The following RREB1 variants were observed in gnomAD, a reference collection of about 807,000 sequenced individuals.
RREB1 encodes the protein ras responsive element binding protein 1.
RREB1 carries 27 observed loss-of-function variants against 117.8 expected under a neutral mutation model. The ratio of observed to expected loss-of-function variants is 0.23; its 90% confidence interval spans 0.17 to 0.32. The LOEUF is 0.32. Among genes scored for constraint, RREB1 ranks in the 10% least tolerant of loss-of-function variants. The probability of loss-of-function intolerance (pLI) is 1.00; values close to 1 mark genes in which losing one functional copy is unlikely to be tolerated. For synonymous variants in RREB1, 1,298 were observed against 1,026.7 expected (o/e 1.26, Z -5.05); for missense variants, 2,577 against 2,378.2 (o/e 1.08, Z -1.74).
chr6:7,200,281 TA>T (rs1339224449), intron 6 of RREB1, among the ~76,000 whole-genome samples: 1,640 of 109,928 alleles, frequency 0.015, 17 homozygotes, highest in African/African-American at 0.024. Context: ...TGTGTGTGTG[TA>T]TTTTTTTTTT....
Position 7,232,310 on chromosome 6 carries a change from C to G in RREB1, c.3808+403C>G, listed in dbSNP as rs138830040. On this transcript the variant is annotated intron_variant, in intron 10 of 12. Transcript: ENST00000379938. ...TTAAGGTATTGGGGCATAATGAGCT[C>G]GGTGCTTTGACATTCCATTCCAGTG... Among the ~76,000 whole-genome samples the G allele has an allele frequency of 4.1e-3, 621 of 152,254 alleles. 2 individuals are homozygous for G. Among genetic ancestry groups the G allele is most frequent in the Non-Finnish European group, 6.0e-3 (410 of 68,022 alleles).
chr6:7,181,519 AG>A (rs1358401972), intron 3 of RREB1: 5 of 503,582 alleles, frequency 9.9e-6, no homozygotes, highest in Non-Finnish European at 1.7e-5. Flanking sequence ...GGTTCTTAGG[AG>A]GGTGCTGCAG....
intron 6 of RREB1, among the ~76,000 whole-genome samples, chr6:7,201,223 G>A (rs1248630120): frequency 1.3e-5 from 2 of 152,100 alleles, no homozygotes; most frequent in Admixed American, 6.5e-5. Flanking sequence ...GTGTGTGTCC[G>A]GTTTAGTTTC....
Position 7,185,565 on chromosome 6 carries a change from AT to A in RREB1, c.172-1866del, listed in dbSNP as rs1765043364. On this transcript the variant is annotated intron_variant, in intron 4 of 12. Coordinates refer to ENST00000379938, the MANE Select transcript of RREB1 (RefSeq NM_001003699.4). The stretch of plus-strand genomic sequence containing the variant: ...AGCCTGGGCAACAGAGTGAGACTCC[AT>A]TTAAAAAAAAAAAGAAAAAGTTCCT... Among the ~76,000 whole-genome samples, 2 of 151,876 alleles carry A rather than the reference AT, an allele frequency of 1.3e-5. 1 individual carries two copies. The highest frequency in any genetic ancestry group is 4.2e-4 in the South Asian group (2 of 4,818).
chr6:7,208,099 G>A (rs1218727014), intron 6 of RREB1, among the ~76,000 whole-genome samples: 3 of 152,144 alleles, frequency 2.0e-5, no homozygotes, highest in East Asian at 1.9e-4. Context: ...CTCAGGATGC[G>A]TGGAAATTAG....
chr6:7,211,158 TGAA>T (rs1224805000), intron 7 of RREB1, among the ~76,000 whole-genome samples: 1 of 152,246 alleles, frequency 6.6e-6, no homozygotes. Context: ...AGAGATGAAA[TGAA>T]GAGCTTTTAC....
intron 8 of RREB1, chr6:7,212,575 C>G (rs532232209): frequency 7.9e-5 from 12 of 152,180 alleles, no homozygotes; most frequent in Non-Finnish European, 1.0e-4. Context: ...CCCCTGTTGT[C>G]GTTGAGAGAC....
intron 1 of RREB1, chr6:7,140,897 C>G (rs906822523): frequency 8.5e-5 from 13 of 152,284 alleles, no homozygotes; most frequent in Non-Finnish European, 1.8e-4. Flanking sequence ...CCGCCCCGGA[C>G]GGCCTTTTCA....
intron 2 of RREB1, among the ~76,000 whole-genome samples, chr6:7,180,605 G>A (rs931604812): frequency 6.6e-6 from 1 of 152,220 alleles, no homozygotes; most frequent in African/African-American, 2.4e-5. Context: ...TGCAAGGAAC[G>A]CACATGGCCT....
At chr6:7,247,358 T>A in intron 12 of RREB1, 137 bp downstream of exon 12, 1 of 756,288 alleles carries the variant, frequency 1.3e-6, no homozygotes, top group Non-Finnish European at 2.1e-6. Context: ...TTTAAGCCCG[T>A]GAACTAGGAG....
At chr6:7,175,692 G>C (rs1764463670) in intron 1 of RREB1, among the ~76,000 whole-genome samples, 1 of 152,200 alleles carries the variant, frequency 6.6e-6, no homozygotes, top group African/African-American at 2.4e-5. Context: ...CTGCATTCCA[G>C]TTTTCTCCCA....
intron 1 of RREB1, among the ~76,000 whole-genome samples, chr6:7,156,524 G>A (rs1285327568): frequency 6.6e-6 from 1 of 152,194 alleles, no homozygotes; most frequent in African/African-American, 2.4e-5. Flanking sequence ...TCCGCACTGA[G>A]CCACATCTGG....
At chr6:7,233,256 G>A (rs13191689) in intron 10 of RREB1, among the ~76,000 whole-genome samples, 11 of 152,176 alleles carry the variant, frequency 7.2e-5, no homozygotes, top group Non-Finnish European at 1.6e-4. Context: ...AGAAGTTTAG[G>A]ATAGGAATAT....
intron 1 of RREB1, among the ~76,000 whole-genome samples, chr6:7,118,301 A>C (rs1389199936): frequency 6.6e-6 from 1 of 152,104 alleles, no homozygotes; most frequent in Non-Finnish European, 1.5e-5. Flanking sequence ...TTGTATTTTT[A>C]GTAGAAACAG....
At chr6:7,183,092 C>G (rs1764888899) in intron 4 of RREB1, 1 of 152,166 alleles carries the variant, frequency 6.6e-6, no homozygotes, top group Admixed American at 6.5e-5. Context: ...TGTACCAGCC[C>G]CAAACCCTGC....
Position 7,248,386 on chromosome 6 carries a change from C to G in RREB1, c.4772-125C>G, listed in dbSNP as rs967638460. On this transcript the variant is annotated intron_variant, in intron 12 of 12. Coordinates refer to ENST00000379938, the MANE Select transcript of RREB1 (RefSeq NM_001003699.4). ...GCTGGTTCAAGGAAGAGGCCTCTGGCTGAGTAGGACGGAGTCCTGGCCCCC... is the reference window on the plus strand; with the variant it reads ...GCTGGTTCAAGGAAGAGGCCTCTGGGTGAGTAGGACGGAGTCCTGGCCCCC... 63 of 755,056 alleles carry G rather than the reference C, an allele frequency of 8.3e-5. 1 individual carries two copies. The Admixed American group carries it at 1.6e-3, about 19-fold the overall frequency. The allele number at this position is 755,056 out of a possible 1,614,324, so 46.8% of individuals were successfully genotyped here. A position where few individuals can be genotyped will look rare whatever the true frequency, so the allele number is the denominator to read the frequency against.
Position 7,200,338 on chromosome 6 carries a change from C to T in RREB1, c.426-10466C>T, listed in dbSNP as rs574911675. Among the ~76,000 whole-genome samples the T allele has an allele frequency of 1.9e-4, 29 of 149,174 alleles. No homozygotes were observed. The East Asian group carries it at 3.9e-3, about 20-fold the overall frequency. On this transcript the variant is annotated intron_variant, in intron 6 of 12. Transcript: ENST00000379938. ...TTCACTCTTGTCGCCCAGGCTGGAGCGCAATGGCACAATCTCTGCCTCCTG... is the reference window on the plus strand; with the variant it reads ...TTCACTCTTGTCGCCCAGGCTGGAGTGCAATGGCACAATCTCTGCCTCCTG...
intron 5 of RREB1, 125 bp from the exon 6 acceptor site, chr6:7,189,034 A>G (rs1765254928): frequency 3.4e-6 from 3 of 883,136 alleles, no homozygotes; most frequent in South Asian, 2.0e-5. Flanking sequence ...ATTTAAAATG[A>G]AAGAGAAACA....
chr6:7,128,390 C>T (rs1004991111), intron 1 of RREB1, among the ~76,000 whole-genome samples: 15 of 152,078 alleles, frequency 9.9e-5, no homozygotes, highest in Admixed American at 9.8e-4. Context: ...GAGGCAGTGT[C>T]TGAAAGTGCT....
Sources: allele counts gnomAD v4.1 joint callset (sites outside exome capture counted in the v4.1 genomes callset), GRCh38; gene constraint gnomAD v4.1.1; transcripts MANE v1.5; gene names NCBI Gene and HGNC (gene_info 2026-07-23, HGNC 2026-07-21).